Variants in TAOK2 observed in about 807,000 individuals in gnomAD.
The protein encoded by TAOK2 is serine/threonine-protein kinase TAO2.
Under a neutral mutation model 122.5 loss-of-function variants are expected in TAOK2, and 42 were observed. The ratio of observed to expected loss-of-function variants is 0.34; its 90% CI spans 0.27 to 0.44. The LOEUF (loss-of-function observed/expected upper bound fraction) is 0.44. TAOK2 is among the 20% of genes least tolerant of loss of function. The pLI, the probability that TAOK2 is intolerant of heterozygous loss-of-function variation, is 1.00. For synonymous variants in TAOK2, 704 were observed against 677.6 expected (o/e 1.04, Z -0.61); for missense variants, 1,264 against 1,644.9 (o/e 0.77, Z 4.01).
rs755576890 is a variant in TAOK2, at chr16:29,987,731, G to A, written c.3459G>A (p.Leu1153=). ...CTCTGTTGGCAAGGGTCTGGGTCCT[G>A]TGCAAGGGCTGGAACTGGCGTCTGG... ...PLALLARVWV[L]CKGWNWRLAR... Residue 1153 remains leucine (L), a synonymous_variant, in exon 16 of 16, where the codon CTG becomes CTA. Transcript: ENST00000308893. The A allele has an allele frequency of 6.2e-7, 1 of 1,614,082 alleles. No individual in the cohort carries two copies. The highest frequency in any genetic ancestry group is 1.7e-5 in the Admixed American group (1 of 60,028).
At position 29,987,458 on chromosome 16, in the gene TAOK2, T is replaced by C. The variant is rs749539952; in HGVS notation, c.3186T>C (p.Ala1062=). Residue 1062 remains alanine, a synonymous_variant, in exon 16 of 16, where the codon GCT becomes GCC. Transcript: ENST00000308893. ...AWPGLALPLV[A]MAAGGRWVRQ... is the part of the protein sequence containing the mutation. ...CAGGCCTAGCTCTACCTCTGGTGGCTATGGCAGCGGGGGGCAGATGGGTGC... is the reference window on the plus strand; with the variant it reads ...CAGGCCTAGCTCTACCTCTGGTGGCCATGGCAGCGGGGGGCAGATGGGTGC... The C allele has an allele frequency of 3.8e-5, 60 of 1,595,420 alleles. No homozygotes were observed. In the East Asian group the frequency reaches 1.3e-3, roughly 35 times the overall value.
chr16:29,981,159 C>T (rs2069600505), intron 8 of TAOK2: 1 of 199,190 alleles, frequency 5.0e-6, no homozygotes, highest in Admixed American at 5.6e-5. Flanking sequence ...CTCTGAATTC[C>T]CTGAAGATAT....
Position 29,982,716 on chromosome 16 carries a change from A to G in TAOK2, c.832-18A>G. On this transcript the variant is annotated intron_variant, in intron 10 of 15. Coordinates refer to ENST00000308893, the MANE Select transcript of TAOK2 (RefSeq NM_016151.4). ...GGAAGGGGAGTTGGCAGCAGACCTC[A>G]GTGCCCTCTTCCCCCAGCACCGCTT... 6.2e-7 allele frequency: 1 copy of G among 1,607,520 alleles called. No homozygotes were observed. The highest frequency in any genetic ancestry group is 1.3e-5 in the African/African-American group (1 of 74,940).
chr16:29,989,289 C>T, downstream of TAOK2: 1 of 985,346 alleles, frequency 1.0e-6, no homozygotes, highest in African/African-American at 1.7e-5. Context: ...GTATCGCACC[C>T]AACTCCGTGC....
At chr16:29,989,712 C>T (rs143481783), downstream of TAOK2, 8 of 1,613,956 alleles carry the variant, frequency 5.0e-6, no homozygotes, top group South Asian at 1.1e-5. Flanking sequence ...ACAAGAGCCT[C>T]CTTAAGCGGC....
chr16:29,987,149 G>C lies in TAOK2; in HGVS notation c.2877G>C (p.Val959=), dbSNP rs142597637. 220 of 1,582,382 alleles carry C rather than the reference G, an allele frequency of 1.4e-4. 1 individual carries two copies. In the African/African-American group the frequency reaches 2.5e-3, roughly 18 times the overall value. ...HGLLAGLSFA[V]GSSSGLLPLL... is the part of the protein sequence containing the mutation. ...TCCTGGCCGGCCTCTCCTTTGCAGTGGGGTCCTCCTCTGGCCTCCTGCCCC... is the reference window on the plus strand; with the variant it reads ...TCCTGGCCGGCCTCTCCTTTGCAGTCGGGTCCTCCTCTGGCCTCCTGCCCC... The change falls in exon 16 of 16, where the codon GTG becomes GTC. Residue 959 remains valine (V), a synonymous_variant. Transcript: ENST00000308893.
chr16:29,987,430 G>C lies in TAOK2; in HGVS notation c.3158G>C (p.Trp1053Ser). ...CTTGGAGCTGCCTGGCTCTTAGCTT[G>C]GCCAGGCCTAGCTCTACCTCTGGTG... is the stretch of plus-strand genomic sequence containing the variant. ...LGLGAAWLLA[W>S]PGLALPLVAM... The change falls in exon 16 of 16, where the codon TGG becomes TCG. Residue 1053 changes from tryptophan (W) to serine (S), a missense_variant. Trp to Ser is a radical substitution (Grantham distance 177, BLOSUM62 -3). This residue lies in a region of TAOK2 where 824 missense variants were observed against 908.7 expected (regional missense o/e 0.91). Transcript: ENST00000308893. The C allele has an allele frequency of 6.2e-7, 1 of 1,604,536 alleles. No individual in the cohort carries two copies.
At chr16:29,991,556 C>G, downstream of TAOK2, 1 of 1,476,238 alleles carries the variant, frequency 6.8e-7, no homozygotes, top group Non-Finnish European at 9.0e-7. The surrounding 1 kb of genome is among the most constrained non-coding windows in gnomAD (Gnocchi z 5.6). Context: ...GTTCTTCCCA[C>G]TTCTATTCCT....
At chr16:29,976,326 T>C (rs1008858232) in intron 1 of TAOK2, among the ~76,000 whole-genome samples, 7 of 152,260 alleles carry the variant, frequency 4.6e-5, no homozygotes, top group Middle Eastern at 3.4e-3. Context: ...CAGAGAGCAA[T>C]CACTCAGTCT....
intron 1 of TAOK2, among the ~76,000 whole-genome samples, chr16:29,975,958 T>C (rs2150878238): frequency 6.6e-6 from 1 of 152,334 alleles, no homozygotes; most frequent in Admixed American, 6.5e-5. Context: ...ACTGGTAGCA[T>C]AGCTTAGGAA....
At chr16:29,988,460 C>A, downstream of TAOK2, 2 of 1,238,840 alleles carry the variant, frequency 1.6e-6, no homozygotes, top group Non-Finnish European at 2.1e-6. Flanking sequence ...GGTATGCCCC[C>A]AGGCTGACCC....
chr16:29,991,608 G>A (rs968266425), downstream of TAOK2: 48 of 1,437,754 alleles, frequency 3.3e-5, no homozygotes, highest in Non-Finnish European at 4.1e-5. This position sits in a 1 kb window ranked among gnomAD's most constrained non-coding sequence, Gnocchi z 5.6. Flanking sequence ...GCAGGGCAGG[G>A]GTGGGTGGAG....
In TAOK2 at chr16:29,985,520, C is replaced by A; in HGVS notation, c.1730C>A (p.Ala577Asp). 6.2e-7 allele frequency: 1 copy of A among 1,610,098 alleles called. No homozygotes were observed. Among genetic ancestry groups the A allele is most frequent in the Non-Finnish European group, 8.5e-7 (1 of 1,177,930 alleles). ...CTTGGGCAGCAGAAGAAGGAGCTGG[C>A]TGCCCTGCTGGAGGCACAGAAGCGG... The part of the protein sequence containing the change: ...HILGQQKKEL[A>D]ALLEAQKRTY... The change falls in exon 14 of 16, where the codon GCT becomes GAT. Residue 577 changes from alanine (A) to aspartate (D), a missense_variant. Physicochemically the swap from Ala to Asp is moderately radical, Grantham distance 126. Transcript: ENST00000308893. The surrounding 1 kb of genome is among the most constrained non-coding windows in gnomAD (Gnocchi z 6.9).
At chr16:29,981,409 G>C in intron 8 of TAOK2, 1 of 605,236 alleles carries the variant, frequency 1.7e-6, no homozygotes, top group Non-Finnish European at 3.0e-6. Context: ...CTGTCCTTCT[G>C]CCTTCGTTAC....
chr16:29,987,343 C>A lies in TAOK2; in HGVS notation c.3071C>A (p.Thr1024Asn). 1 of 1,555,680 alleles carries A rather than the reference C, an allele frequency of 6.4e-7. No individual in the cohort carries two copies. Among genetic ancestry groups the A allele is most frequent in the Non-Finnish European group, 8.7e-7 (1 of 1,152,170 alleles). Residue 1024 changes from threonine (T) to asparagine (N), a missense_variant, in exon 16 of 16, where the codon ACC becomes AAC. This residue lies in a region of TAOK2 where 824 missense variants were observed against 908.7 expected (regional missense o/e 0.91). Coordinates refer to ENST00000308893, the MANE Select transcript of TAOK2 (RefSeq NM_016151.4). ...SSLFLLLAQG[T>N]ALGAVLGLSW... is the part of the protein sequence containing the mutation. ...CTTTTCCTACTCCTGGCCCAGGGTA[C>A]CGCACTGGGGGCCGTCCTGGGCCTG...
chr16:29,976,034 T>A (rs1460547889), intron 1 of TAOK2, among the ~76,000 whole-genome samples: 1 of 152,216 alleles, frequency 6.6e-6, no homozygotes, highest in Non-Finnish European at 1.5e-5. Context: ...AAGGTGGTTA[T>A]GATTTAGCAC....
Position 29,979,363 on chromosome 16 carries a change from G to T in TAOK2, c.564-54G>T. ...GACCTCCCAGGGATGTTGGGAGTAG[G>T]AGTGACAGGGTCTCGGCGGGTGATT... is the stretch of plus-strand genomic sequence containing the variant. On this transcript the variant is annotated intron_variant, in intron 7 of 15. Transcript: ENST00000308893. This position sits in a 1 kb window ranked among gnomAD's most constrained non-coding sequence, Gnocchi z 4.1. 3 of 1,610,114 alleles carry T rather than the reference G, an allele frequency of 1.9e-6. No homozygotes were observed. The highest frequency in any genetic ancestry group is 2.5e-6 in the Non-Finnish European group (3 of 1,176,612).
downstream of TAOK2, chr16:29,988,598 C>T (rs1438185404): frequency 4.1e-6 from 4 of 985,392 alleles, no homozygotes; most frequent in East Asian, 3.4e-4. Flanking sequence ...GGTCTGGGCC[C>T]CTGTAGAACT....
In TAOK2 at chr16:29,986,698, T is replaced by C. The variant is rs750971493; in HGVS notation, c.2426T>C (p.Leu809Ser). The C allele has an allele frequency of 1.2e-6, 2 of 1,613,780 alleles. No individual in the cohort carries two copies. Among genetic ancestry groups the C allele is most frequent in the South Asian group, 1.1e-5 (1 of 91,032 alleles). Reference protein sequence around the residue: ...RRILGKEGATLEPKQQRILGE... With the variant: ...RRILGKEGATSEPKQQRILGE... The stretch of plus-strand genomic sequence containing the variant: ...ATTCTGGGAAAGGAAGGGGCCACTT[T>C]GGAGCCCAAGCAGCAGAGGATTCTG... The change falls in exon 16 of 16, where the codon TTG becomes TCG. Residue 809 changes from leucine to serine, a missense_variant. By Grantham distance (145) the Leu-to-Ser change is moderately radical (BLOSUM62 -2). Transcript: ENST00000308893. This position sits in a 1 kb window ranked among gnomAD's most constrained non-coding sequence, Gnocchi z 4.2.
Sources: allele counts gnomAD v4.1 joint callset (sites outside exome capture counted in the v4.1 genomes callset), GRCh38; gene constraint gnomAD v4.1.1; regional missense constraint gnomAD v4.1.1; non-coding constraint Gnocchi (gnomAD v3.1); transcripts MANE v1.5; gene names NCBI Gene and HGNC (gene_info 2026-07-23, HGNC 2026-07-21).